Variants in ST7 observed in about 807,000 individuals in gnomAD.
ST7 encodes suppressor of tumorigenicity 7 protein.
Under a neutral mutation model 78.7 loss-of-function variants are expected in ST7, and 28 were observed. That is an observed-to-expected ratio of 0.36 (90% CI 0.26 to 0.49). The LOEUF (loss-of-function observed/expected upper bound fraction) is 0.49, where lower values mean the gene tolerates loss of function less well. ST7 is among the 20% of genes least tolerant of loss of function. The pLI, the probability that ST7 is intolerant of heterozygous loss-of-function variation, is 0.99. For missense variants in ST7, 418 were observed against 696.0 expected (o/e 0.60, Z 4.49); for synonymous variants, 247 against 249.6 (o/e 0.99, Z 0.10).
At chr7:117,161,544 C>T (rs1807145975) in intron 9 of ST7, among the ~76,000 whole-genome samples, 1 of 151,232 alleles carries the variant, frequency 6.6e-6, no homozygotes, top group Non-Finnish European at 1.5e-5. Context: ...TATTCACCTT[C>T]CCTGAGGCAC....
At chr7:117,178,548 A>G (rs1808512108) in intron 10 of ST7, among the ~76,000 whole-genome samples, 1 of 152,200 alleles carries the variant, frequency 6.6e-6, no homozygotes, top group Admixed American at 6.5e-5. Context: ...CAGTGTTCTC[A>G]TTTGTGAGAT....
chr7:116,981,991 C>T (rs753123095), intron 1 of ST7, among the ~76,000 whole-genome samples: 1 of 152,036 alleles, frequency 6.6e-6, no homozygotes, highest in Non-Finnish European at 1.5e-5. Context: ...GGTATATAAT[C>T]TTGGCAGTAG....
At chr7:117,208,478 A>C (rs1791979173) in intron 12 of ST7, among the ~76,000 whole-genome samples, 1 of 152,152 alleles carries the variant, frequency 6.6e-6, no homozygotes, top group African/African-American at 2.4e-5. Context: ...TTCAAATATC[A>C]GACCCAGAGG....
chr7:117,075,982 C>T (rs1799310600), intron 1 of ST7, among the ~76,000 whole-genome samples: 1 of 152,200 alleles, frequency 6.6e-6, no homozygotes, highest in Non-Finnish European at 1.5e-5. Flanking sequence ...GCCAAGAGAT[C>T]CCCTCATTCA....
chr7:117,018,491 T>C (rs1795722556), intron 1 of ST7, among the ~76,000 whole-genome samples: 1 of 152,216 alleles, frequency 6.6e-6, no homozygotes, highest in African/African-American at 2.4e-5. Context: ...ACGATTTTTT[T>C]TCTTCATGTT....
At chr7:116,965,066 G>A (rs182143928) in intron 1 of ST7, among the ~76,000 whole-genome samples, 193 of 152,308 alleles carry the variant, frequency 1.3e-3, no homozygotes, top group African/African-American at 4.4e-3. Flanking sequence ...ACGGCCGGGC[G>A]CGGTGGCTCA....
chr7:117,075,586 A>G (rs1183473778), intron 1 of ST7, among the ~76,000 whole-genome samples: 2 of 152,186 alleles, frequency 1.3e-5, no homozygotes, highest in East Asian at 1.9e-4. Flanking sequence ...TCTCCTCCAC[A>G]TTGTACTTTT....
At chr7:117,187,279 T>C (rs1809351294) in intron 10 of ST7, among the ~76,000 whole-genome samples, 1 of 152,226 alleles carries the variant, frequency 6.6e-6, no homozygotes, top group African/African-American at 2.4e-5. Flanking sequence ...TAGAATGACA[T>C]GCCACTAATG....
At chr7:117,102,445 G>T (rs763029843) in intron 2 of ST7, among the ~76,000 whole-genome samples, 2 of 152,136 alleles carry the variant, frequency 1.3e-5, no homozygotes, top group Non-Finnish European at 2.9e-5. Flanking sequence ...AGGGGATTGA[G>T]GGCAGAGGAA....
intron 1 of ST7, among the ~76,000 whole-genome samples, chr7:117,038,396 T>C (rs1366242033): frequency 6.6e-6 from 1 of 152,156 alleles, no homozygotes; most frequent in African/African-American, 2.4e-5. Context: ...TTTTTTAACA[T>C]GTCAGAGTTC....
At chr7:116,980,169 G>A (rs80245779) in intron 1 of ST7, among the ~76,000 whole-genome samples, 12,789 of 151,738 alleles carry the variant, frequency 0.084, 587 homozygotes, top group East Asian at 0.13. Flanking sequence ...ATGTTGGCCA[G>A]GCTCGTCTCC....
intron 15 of ST7, chr7:117,222,735 T>G: frequency 1.3e-6 from 1 of 772,166 alleles, no homozygotes; most frequent in Non-Finnish European, 2.3e-6. Context: ...CACAGATGAG[T>G]TTCAAACAGA....
At position 117,189,431 on chromosome 7, in the gene ST7, C is replaced by CCTT; in HGVS notation, c.1151+39_1151+40insTTC. Reference sequence around the variant, plus strand: ...TAGTTTGCGCGGTACTAATGCCTGACCGGAATTGAGATGTGTTGCCTCTGA... The same window carrying CCTT: ...TAGTTTGCGCGGTACTAATGCCTGACCTTCGGAATTGAGATGTGTTGCCTCTGA... On this transcript the variant is annotated intron_variant, in intron 11 of 15. Coordinates refer to ENST00000323984, the MANE Select transcript of ST7 (RefSeq NM_001369598.1). The CCTT allele has an allele frequency of 2.0e-6, 3 of 1,507,000 alleles. No homozygotes were observed. The South Asian group carries it at 3.7e-5, about 19-fold the overall frequency. The allele number at this position is 1,507,000 out of a possible 1,614,324, so 93.4% of individuals were successfully genotyped here. A position where few individuals can be genotyped will look rare whatever the true frequency, so the allele number is the denominator to read the frequency against.
intron 1 of ST7, among the ~76,000 whole-genome samples, chr7:117,030,094 ATAAAG>A (rs1247532954): frequency 6.6e-5 from 10 of 152,206 alleles, no homozygotes; most frequent in Admixed American, 2.0e-4. Flanking sequence ...TATTTAATCT[ATAAAG>A]TAACTTGGGG....
At chr7:117,066,587 C>A (rs1798643812) in intron 1 of ST7, among the ~76,000 whole-genome samples, 1 of 151,586 alleles carries the variant, frequency 6.6e-6, no homozygotes. Context: ...TGGTGAAATC[C>A]CATCTCTACT....
intron 13 of ST7, among the ~76,000 whole-genome samples, chr7:117,210,499 A>G (rs528358772): frequency 2.2e-4 from 33 of 152,320 alleles, no homozygotes; most frequent in African/African-American, 7.0e-4. Context: ...CTTGTTCTCC[A>G]TAGATAGTAT....
At chr7:117,166,426 T>C (rs540771732) in intron 9 of ST7, among the ~76,000 whole-genome samples, 1 of 150,292 alleles carries the variant, frequency 6.7e-6, no homozygotes, top group South Asian at 2.1e-4. Context: ...TATCTCATAA[T>C]GGGTTAAATT....
intron 1 of ST7, among the ~76,000 whole-genome samples, chr7:117,028,936 C>T (rs927545242): frequency 1.1e-4 from 16 of 152,166 alleles, no homozygotes; most frequent in Non-Finnish European, 1.8e-4. Flanking sequence ...CTGATCCCTG[C>T]ACAGTTGAAA....
At chr7:117,016,268 TA>T (rs1322311441) in intron 1 of ST7, among the ~76,000 whole-genome samples, 1 of 152,168 alleles carries the variant, frequency 6.6e-6, no homozygotes, top group African/African-American at 2.4e-5. Context: ...GGCTCTGAAA[TA>T]AAATGCACCC....
Sources: gnomAD v4.1 joint callset for allele counts (sites outside exome capture counted in the v4.1 genomes callset) on GRCh38, gnomAD v4.1.1 for gene constraint, MANE v1.5 for transcripts, NCBI Gene and HGNC (gene_info 2026-07-23, HGNC 2026-07-21) for gene names.